SHROOM2: variants seen among roughly 807,000 people sequenced by gnomAD.
SHROOM2 encodes the protein shroom family member 2.
In SHROOM2, 33 loss-of-function variants were observed where a neutral mutation model predicts 75.9. The ratio of observed to expected loss-of-function variants is 0.43; its 90% confidence interval spans 0.33 to 0.58. The LOEUF is 0.58. Ranked by LOEUF, SHROOM2 falls within the 20% of genes least tolerant of loss-of-function variation. The pLI, the probability that SHROOM2 is intolerant of heterozygous loss-of-function variation, is 0.04. For missense variants in SHROOM2, 1,434 were observed against 1,461.2 expected, an observed-to-expected ratio of 0.98 and a Z score of 0.30; for synonymous variants, 655 against 663.6, an observed-to-expected ratio of 0.99 and a Z score of 0.20.
At position 9,896,538 on chromosome X, in the gene SHROOM2, A is replaced by G. The variant is rs762947966; in HGVS notation, c.2630A>G (p.Gln877Arg). 17 of 1,210,949 alleles carry G rather than the reference A, an allele frequency of 1.4e-5. No homozygotes were observed. The highest frequency in any genetic ancestry group is 5.3e-5 in the South Asian group (3 of 56,831). The change falls in exon 4 of 10, where the codon CAG (glutamine) becomes CGG (arginine). Residue 877 changes from glutamine to arginine, a missense_variant. By Grantham distance (43) the Gln-to-Arg change is conservative (BLOSUM62 1). Transcript: ENST00000380913. ...AGGCTCGGCACCTTTGCAGAGTATC[A>G]GGCCTCTTGGAAGGAACAGAGGAAA... Reference protein sequence around the residue: ...PRRLGTFAEYQASWKEQRKPL... With the variant: ...PRRLGTFAEYRASWKEQRKPL...
At chrX:9,936,750 C>G (rs1028914503) in intron 6 of SHROOM2, among the ~76,000 whole-genome samples, 1 of 112,355 alleles carries the variant, frequency 8.9e-6, no homozygotes, top group Non-Finnish European at 1.9e-5. Context: ...CCATCCACTG[C>G]AGGCTTCCCC....
At chrX:9,871,242 G>T (rs1170367601) in intron 1 of SHROOM2, among the ~76,000 whole-genome samples, 1 of 112,219 alleles carries the variant, frequency 8.9e-6, no homozygotes, top group African/African-American at 3.2e-5. Flanking sequence ...TCAACACTTA[G>T]GCTTTCTAGC....
intron 1 of SHROOM2, among the ~76,000 whole-genome samples, chrX:9,866,861 A>T (rs1353540344): frequency 1.8e-5 from 2 of 110,205 alleles, no homozygotes; most frequent in Non-Finnish European, 3.8e-5. Flanking sequence ...ACACACACTC[A>T]TGCCTCAGGC....
chrX:9,935,986 C>T (rs1445449579), intron 6 of SHROOM2, among the ~76,000 whole-genome samples: 5 of 111,644 alleles, frequency 4.5e-5, no homozygotes, highest in African/African-American at 1.6e-4. Flanking sequence ...GCAGCAGGTG[C>T]AGGGCTGCCC....
chrX:9,898,228 C>A lies in SHROOM2; in HGVS notation c.2829C>A (p.Pro943=), dbSNP rs1285812197. 8.4e-7 allele frequency: 1 copy of A among 1,188,429 alleles called. No homozygotes were observed. Among genetic ancestry groups the A allele is most frequent in the African/African-American group, 1.7e-5 (1 of 57,372 alleles). Residue 943 remains proline (P), a synonymous_variant, in exon 5 of 10, where the codon CCC becomes CCA. Coordinates refer to ENST00000380913, the MANE Select transcript of SHROOM2 (RefSeq NM_001649.4). ...SVELRRQAGD[P]GEPREELPSA... Reference sequence around the variant, plus strand: ...AACTGCGAAGGCAGGCAGGGGACCCCGGCGAGCCCAGAGAAGAGCTTCCCT... The same window carrying A: ...AACTGCGAAGGCAGGCAGGGGACCCAGGCGAGCCCAGAGAAGAGCTTCCCT...
intron 2 of SHROOM2, among the ~76,000 whole-genome samples, chrX:9,879,287 GAC>G (rs903018370): frequency 9.0e-6 from 1 of 110,551 alleles, no homozygotes. Flanking sequence ...ATTTTTTTGA[GAC>G]AGAGTCTCCT....
At chrX:9,891,237 G>T in intron 3 of SHROOM2, 129 bp downstream of exon 3, 1 of 855,091 alleles carries the variant, frequency 1.2e-6, no homozygotes. Flanking sequence ...CAGTTGGAGG[G>T]CTCTGAATTT....
At chrX:9,812,517 C>T (rs956713253) in intron 1 of SHROOM2, among the ~76,000 whole-genome samples, 4 of 112,203 alleles carry the variant, frequency 3.6e-5, no homozygotes, top group African/African-American at 9.7e-5. Context: ...AATATCTCGA[C>T]AGGCCCCATA....
intron 4 of SHROOM2, among the ~76,000 whole-genome samples, chrX:9,897,680 C>CAAAAAAAAAAAAAAAAAAAAAAAAAAAA (rs56026461): frequency 5.7e-5 from 4 of 70,611 alleles, no homozygotes; most frequent in African/African-American, 2.4e-4. Flanking sequence ...GACCCTGTCT[C>CAAAAAAAAAAAAAAAAAAAAAAAAAAAA]AAAAAAAAAA....
At chrX:9,831,394 C>T (rs2083915206) in intron 1 of SHROOM2, among the ~76,000 whole-genome samples, 1 of 112,089 alleles carries the variant, frequency 8.9e-6, no homozygotes, top group Admixed American at 9.4e-5. Context: ...GACGGTGGCT[C>T]ACGCCTGTAA....
chrX:9,845,886 C>T (rs1263996458), intron 1 of SHROOM2, among the ~76,000 whole-genome samples: 1 of 64,934 alleles, frequency 1.5e-5, no homozygotes, highest in Non-Finnish European at 3.0e-5. Flanking sequence ...TGTTCTAGCT[C>T]CCCAGGGGTG....
intron 1 of SHROOM2, among the ~76,000 whole-genome samples, chrX:9,807,114 C>G (rs1306973087): frequency 3.6e-5 from 4 of 111,826 alleles, no homozygotes; most frequent in Non-Finnish European, 7.5e-5. Context: ...TGGGTTCCCA[C>G]CCATTCTGTC....
At chrX:9,899,247 G>A (rs113833355) in intron 5 of SHROOM2, among the ~76,000 whole-genome samples, 3,998 of 90,537 alleles carry the variant, frequency 0.044, 156 homozygotes, top group African/African-American at 0.12. Flanking sequence ...GGGCAACAGA[G>A]CGAGACCCTG....
At chrX:9,811,771 C>G (rs2083792764) in intron 1 of SHROOM2, among the ~76,000 whole-genome samples, 1 of 111,743 alleles carries the variant, frequency 8.9e-6, no homozygotes, top group Non-Finnish European at 1.9e-5. Context: ...GCAGAACTGT[C>G]TGTGAACCAG....
chrX:9,846,617 A>T (rs914872646), intron 1 of SHROOM2, among the ~76,000 whole-genome samples: 5 of 112,080 alleles, frequency 4.5e-5, no homozygotes, highest in South Asian at 3.7e-4. Flanking sequence ...TTTTATAGAC[A>T]TGGGGTCTTG....
intron 1 of SHROOM2, among the ~76,000 whole-genome samples, chrX:9,855,089 G>A (rs1269952378): frequency 1.9e-5 from 2 of 105,215 alleles, no homozygotes; most frequent in Admixed American, 1.0e-4. Flanking sequence ...AAAAAAAAAG[G>A]CATCCTCATT....
Position 9,932,743 on chromosome X carries a change from C to T in SHROOM2, c.3460C>T (p.Pro1154Ser). The change falls in exon 6 of 10, where the codon CCC becomes TCC. Residue 1154 changes from proline (P) to serine (S), a missense_variant. Transcript: ENST00000380913. ...TCCTCTGCCAGAAGCACTGCTCCCT[C>T]CCAAGCAGCAGCACCTGCGCCTGCA... ...SRPLPEALLP[P>S]KQQHLRLQTA... is the part of the protein sequence containing the mutation. The T allele has an allele frequency of 1.7e-6, 2 of 1,211,072 alleles. No homozygotes were observed. The highest frequency in any genetic ancestry group is 2.2e-6 in the Non-Finnish European group (2 of 895,556).
chrX:9,942,952 T>A (rs1459832704), intron 8 of SHROOM2, among the ~76,000 whole-genome samples: 1 of 111,435 alleles, frequency 9.0e-6, no homozygotes, highest in East Asian at 2.8e-4. Flanking sequence ...CCTGCATTCA[T>A]TCAAGGCGGT....
At chrX:9,878,580 C>T (rs992538799) in intron 2 of SHROOM2, among the ~76,000 whole-genome samples, 84 of 112,236 alleles carry the variant, frequency 7.5e-4, no homozygotes, top group Non-Finnish European at 1.5e-3. Flanking sequence ...TTGTGCTGTG[C>T]CCCCCTCTGC....
Sources: allele counts gnomAD v4.1 joint callset (sites outside exome capture counted in the v4.1 genomes callset), GRCh38; gene constraint gnomAD v4.1.1; transcripts MANE v1.5; gene names NCBI Gene and HGNC (gene_info 2026-07-23, HGNC 2026-07-21).